ARMC6: variants seen among roughly 807,000 people sequenced by gnomAD.
ARMC6 encodes armadillo repeat containing 6, also known as armadillo repeat-containing protein 6.
A neutral mutation model predicts 49.2 loss-of-function variants in ARMC6; 43 were observed. The observed-to-expected ratio is 0.87, with a 90% CI of 0.69 to 1.13. ARMC6 has a LOEUF of 1.13. ARMC6 is among the 50% of genes most tolerant of loss of function. The pLI, the probability that ARMC6 is intolerant of heterozygous loss-of-function variation, is 0.00. For synonymous variants in ARMC6, 262 were observed against 289.6 expected (o/e 0.90, Z 0.97); for missense variants, 627 against 682.0 (o/e 0.92, Z 0.90).
intron 4 of ARMC6, among the ~76,000 whole-genome samples, chr19:19,050,416 A>G (rs2059486424): frequency 1.3e-5 from 2 of 152,112 alleles, no homozygotes; most frequent in Non-Finnish European, 2.9e-5. Flanking sequence ...AATGCTCCGT[A>G]TGTTGCCCAG....
intron 2 of ARMC6, chr19:19,039,528 C>G (rs1177667491): frequency 9.1e-6 from 2 of 218,870 alleles, no homozygotes; most frequent in African/African-American, 2.3e-5. Flanking sequence ...AACCCTATAC[C>G]CATTAGAAGT....
Position 19,052,196 on chromosome 19 carries a change from G to A in ARMC6, c.853+1G>A, listed in dbSNP as rs1398485445. 4 of 1,589,072 alleles carry A rather than the reference G, an allele frequency of 2.5e-6. No homozygotes were observed. Among genetic ancestry groups the A allele is most frequent in the Non-Finnish European group, 3.4e-6 (4 of 1,167,750 alleles). On this transcript the variant is annotated splice_donor_variant, in intron 5 of 8. Coordinates refer to ENST00000535612, the MANE Select transcript of ARMC6 (RefSeq NM_001199196.2). LOFTEE classifies it high-confidence loss of function. ...AAGGTGCTCATCGAAGCCACCAAAG[G>A]TAAGAGCTGGGGGCCGACACGAGCC...
At chr19:19,053,167 A>G (rs1201026816) in intron 5 of ARMC6, among the ~76,000 whole-genome samples, 11 of 152,170 alleles carry the variant, frequency 7.2e-5, no homozygotes, top group Admixed American at 7.2e-4. Flanking sequence ...AGTCCCATTC[A>G]CATTGTTCAA....
chr19:19,036,154 C>G (rs529660503), intron 2 of ARMC6, among the ~76,000 whole-genome samples: 1 of 152,128 alleles, frequency 6.6e-6, no homozygotes, highest in Admixed American at 6.5e-5. Context: ...CTCCACCTCC[C>G]GGGTTCAAGC....
In ARMC6 at chr19:19,055,762, C is replaced by T; in HGVS notation, c.1156-29C>T. On this transcript the variant is annotated intron_variant, in intron 7 of 8. Coordinates refer to ENST00000535612, the MANE Select transcript of ARMC6 (RefSeq NM_001199196.2). This position sits in a 1 kb window ranked among gnomAD's most constrained non-coding sequence, Gnocchi z 5.7. ...GTTGTGGGGGGTCTATCTGCTGCAT[C>T]TCAGCCTTTCTGTGACTGGCCCCTG... is the stretch of plus-strand genomic sequence containing the variant. The T allele has an allele frequency of 6.5e-7, 1 of 1,539,286 alleles. No individual in the cohort carries two copies. The highest frequency in any genetic ancestry group is 1.8e-5 in the Admixed American group (1 of 55,148).
intron 3 of ARMC6, 122 bp from the exon 4 acceptor site, chr19:19,043,870 G>C: frequency 1.2e-6 from 1 of 806,720 alleles, no homozygotes; most frequent in Admixed American, 2.1e-5. Flanking sequence ...GAGGTGGGAG[G>C]CTTCTGGAGT....
chr19:19,046,648 C>T (rs1275809999), intron 4 of ARMC6, among the ~76,000 whole-genome samples: 1 of 151,908 alleles, frequency 6.6e-6, no homozygotes, highest in Non-Finnish European at 1.5e-5. Flanking sequence ...GCGTGCACCA[C>T]CACGCCCAGC....
chr19:19,038,459 C>G lies in ARMC6; in HGVS notation c.29+4221C>G, dbSNP rs181889660. Among the ~76,000 whole-genome samples, 31 of 152,334 alleles carry G rather than the reference C, an allele frequency of 2.0e-4. 1 individual carries two copies. The East Asian group carries it at 5.2e-3, about 26-fold the overall frequency. On this transcript the variant is annotated intron_variant, in intron 2 of 8. Transcript: ENST00000535612. The stretch of plus-strand genomic sequence containing the variant: ...ACCAAGAGTTTTATCTTACTTAACT[C>G]TATGTCTTGTTCCCACCTGTCAGAG...
At chr19:19,047,355 T>C (rs1294851239) in intron 4 of ARMC6, among the ~76,000 whole-genome samples, 1 of 152,164 alleles carries the variant, frequency 6.6e-6, no homozygotes, top group African/African-American at 2.4e-5. Context: ...AAAATGCTTA[T>C]CTGTTGAGGG....
chr19:19,042,996 T>C (rs1481130162), intron 3 of ARMC6, 119 bp downstream of exon 3: 4 of 1,113,236 alleles, frequency 3.6e-6, no homozygotes, highest in African/African-American at 1.5e-5. Context: ...CCAGGTGCCA[T>C]TGGGCCCTGT....
intron 5 of ARMC6, among the ~76,000 whole-genome samples, chr19:19,053,016 A>G (rs1327306715): frequency 6.6e-6 from 1 of 152,224 alleles, no homozygotes; most frequent in East Asian, 1.9e-4. Flanking sequence ...ATATGTATAT[A>G]TGAAGAGACT....
At chr19:19,046,929 T>TTG (rs1319184507) in intron 4 of ARMC6, among the ~76,000 whole-genome samples, 1 of 141,268 alleles carries the variant, frequency 7.1e-6, no homozygotes, top group East Asian at 2.0e-4. Flanking sequence ...GCTCACCTGT[T>TTG]TTTTTTTTTT....
intron 4 of ARMC6, among the ~76,000 whole-genome samples, chr19:19,046,436 A>G (rs940486977): frequency 1.3e-5 from 2 of 151,702 alleles, no homozygotes; most frequent in African/African-American, 4.9e-5. Flanking sequence ...TGACCTTGTG[A>G]TCCGCCTGCC....
intron 2 of ARMC6, chr19:19,037,530 C>G (rs2059380589): frequency 1.6e-6 from 1 of 626,838 alleles, no homozygotes; most frequent in African/African-American, 1.9e-5. Flanking sequence ...CCACACCTGG[C>G]TAATTTTGGT....
At chr19:19,035,780 A>T (rs1005613532) in intron 2 of ARMC6, among the ~76,000 whole-genome samples, 1 of 152,042 alleles carries the variant, frequency 6.6e-6, no homozygotes, top group African/African-American at 2.4e-5. Context: ...TAGAAAGCTT[A>T]TTTTGCCAAG....
chr19:19,053,755 C>T lies in ARMC6; in HGVS notation c.854-397C>T, dbSNP rs536737728. On this transcript the variant is annotated intron_variant, in intron 5 of 8. Transcript: ENST00000535612. Reference sequence around the variant, plus strand: ...CAGTTTTGGCCACGTCAGCCCAGTCCGTATGTGTCCCTCTATGGTTCTGGA... The same window carrying T: ...CAGTTTTGGCCACGTCAGCCCAGTCTGTATGTGTCCCTCTATGGTTCTGGA... Among the ~76,000 whole-genome samples, 20 of 152,176 alleles carry T rather than the reference C, an allele frequency of 1.3e-4. No individual in the cohort carries two copies. In the East Asian group the frequency reaches 3.9e-3, roughly 29 times the overall value.
At chr19:19,040,905 C>T (rs553710025) in intron 2 of ARMC6, 144 of 235,840 alleles carry the variant, frequency 6.1e-4, no homozygotes, top group African/African-American at 3.1e-3. Flanking sequence ...TGGAAGCTTC[C>T]TTGCTTCCTG....
intron 8 of ARMC6, among the ~76,000 whole-genome samples, chr19:19,056,688 A>G (rs10422079): frequency 0.023 from 3,575 of 152,240 alleles, 135 homozygotes; most frequent in African/African-American, 0.082. Context: ...CTGAGTTCTG[A>G]GTGTGGGACA....
intron 5 of ARMC6, 118 bp from the exon 6 acceptor site, chr19:19,054,034 G>T: frequency 9.6e-7 from 1 of 1,040,274 alleles, no homozygotes; most frequent in East Asian, 3.1e-5. Context: ...TGGTGCCCGT[G>T]GCCACTCCAA....
Sources: allele counts gnomAD v4.1 joint callset (sites outside exome capture counted in the v4.1 genomes callset), GRCh38; gene constraint gnomAD v4.1.1; non-coding constraint Gnocchi (gnomAD v3.1); transcripts MANE v1.5; gene names NCBI Gene and HGNC (gene_info 2026-07-23, HGNC 2026-07-21).